The following MYO5C variants were observed in gnomAD, a reference collection of about 807,000 sequenced individuals.
MYO5C encodes myosin VC.
MYO5C carries 194 observed loss-of-function variants against 235.7 expected under a neutral mutation model. The ratio of observed to expected loss-of-function variants is 0.82; its 90% CI spans 0.73 to 0.93. MYO5C has a LOEUF of 0.93. Among genes scored for constraint, MYO5C ranks in the 40% least tolerant of loss-of-function variants. The pLI, the probability that MYO5C is intolerant of heterozygous loss-of-function variation, is 0.00. For missense variants in MYO5C, 2,038 were observed against 2,127.2 expected, an observed-to-expected ratio of 0.96 and a Z score of 0.82; for synonymous variants, 707 against 754.8, an observed-to-expected ratio of 0.94 and a Z score of 1.04.
intron 38 of MYO5C, 62 bp downstream of exon 38, chr15:52,204,803 C>T (rs2035265635): frequency 6.4e-7 from 1 of 1,566,128 alleles, no homozygotes; most frequent in Non-Finnish European, 8.6e-7. Context: ...CGTGGGGCCT[C>T]GGACTTCAAG....
At chr15:52,237,324 C>T (rs760609529) in intron 22 of MYO5C, 158 bp downstream of exon 22, 21 of 794,972 alleles carry the variant, frequency 2.6e-5, no homozygotes, top group Non-Finnish European at 3.8e-5. Context: ...CCTCTGATCT[C>T]GCCTTTCCTA....
chr15:52,248,668 A>AGGGG, intron 14 of MYO5C, 32 bp downstream of exon 14: 1 of 1,457,276 alleles, frequency 6.9e-7, no homozygotes, highest in Non-Finnish European at 9.6e-7. Context: ...CAATTATATA[A>AGGGG]TAACTTTAGT....
chr15:52,247,166 CTG>C, intron 15 of MYO5C, 152 bp from the exon 16 acceptor site: 1 of 691,956 alleles, frequency 1.4e-6, no homozygotes, highest in East Asian at 2.7e-5. Context: ...CAGTCCGTGA[CTG>C]TGGTTTATCA....
At chr15:52,241,648 C>T (rs551420174) in intron 20 of MYO5C, among the ~76,000 whole-genome samples, 2 of 152,240 alleles carry the variant, frequency 1.3e-5, no homozygotes, top group African/African-American at 2.4e-5. Context: ...GTTAGGTGCA[C>T]ATTATTGGCT....
chr15:52,295,691 C>T lies in MYO5C; in HGVS notation c.-55G>A. ...CTGCCGAACGTGCGAGGCTCGGGGGCTGGGCCTGCGCCGCAGAGGCCGGGC... is the reference window on the plus strand; with the variant it reads ...CTGCCGAACGTGCGAGGCTCGGGGGTTGGGCCTGCGCCGCAGAGGCCGGGC... On this transcript the variant is annotated 5_prime_UTR_variant, in exon 1 of 41. Coordinates refer to ENST00000261839, the MANE Select transcript of MYO5C (RefSeq NM_018728.4). The T allele has an allele frequency of 3.2e-6, 4 of 1,260,400 alleles. No homozygotes were observed. Among genetic ancestry groups the T allele is most frequent in the Middle Eastern group, 2.3e-4 (1 of 4,428 alleles). The allele number at this position is 1,260,400 out of a possible 1,614,324, so 78.1% of individuals were successfully genotyped here. A position where few individuals can be genotyped will look rare whatever the true frequency, so the allele number is the denominator to read the frequency against.
At chr15:52,242,261 A>G (rs755804792) in intron 19 of MYO5C, 48 bp from the exon 20 acceptor site, 12 of 1,557,076 alleles carry the variant, frequency 7.7e-6, no homozygotes, top group Admixed American at 3.8e-5. Context: ...CAGAGCATCA[A>G]CTTCCATAAC....
intron 2 of MYO5C, among the ~76,000 whole-genome samples, chr15:52,281,564 T>C (rs2037163271): frequency 6.6e-6 from 1 of 152,218 alleles, no homozygotes; most frequent in South Asian, 2.1e-4. Flanking sequence ...AGGAGCCTCT[T>C]CCCAGAGCTC....
At chr15:52,210,672 G>T (rs987382295) in intron 35 of MYO5C, among the ~76,000 whole-genome samples, 10 of 152,110 alleles carry the variant, frequency 6.6e-5, no homozygotes, top group African/African-American at 2.4e-4. Flanking sequence ...CATTACCAGA[G>T]AACTCTTTTT....
chr15:52,295,514 C>G (rs929812565), intron 1 of MYO5C, 96 bp downstream of exon 1: 49 of 1,370,476 alleles, frequency 3.6e-5, no homozygotes, highest in Non-Finnish European at 4.7e-5. Flanking sequence ...GTCAGGTGCG[C>G]AGGTGTGGCA....
At chr15:52,230,310 T>G (rs2035918496) in intron 24 of MYO5C, among the ~76,000 whole-genome samples, 1 of 152,212 alleles carries the variant, frequency 6.6e-6, no homozygotes, top group African/African-American at 2.4e-5. Flanking sequence ...GAGCTGTCAT[T>G]TCAGTTCCTT....
At position 52,247,510 on chromosome 15, in the gene MYO5C, T is replaced by G; in HGVS notation, c.1829A>C (p.Lys610Thr). 1 of 1,614,192 alleles carries G rather than the reference T, an allele frequency of 6.2e-7. No individual in the cohort carries two copies. Among genetic ancestry groups the G allele is most frequent in the Non-Finnish European group, 8.5e-7 (1 of 1,180,024 alleles). ...FGSMITVKSA[K>T]QVIKPNSKHF... is the part of the protein sequence containing the mutation. ...CTTGCTGTTTGGCTTGATGACTTGC[T>G]TTGCAGATTTAACTGTAATCATTGA... is the stretch of plus-strand genomic sequence containing the variant. The change falls in exon 15 of 41, where the codon AAG becomes ACG. Residue 610 changes from lysine (K) to threonine (T), a missense_variant. Lys to Thr is a moderately conservative substitution (Grantham distance 78, BLOSUM62 -1). Coordinates refer to ENST00000261839, the MANE Select transcript of MYO5C (RefSeq NM_018728.4).
At position 52,208,573 on chromosome 15, in the gene MYO5C, T is replaced by G; in HGVS notation, c.4367A>C (p.Lys1456Thr). 6.2e-7 allele frequency: 1 copy of G among 1,614,164 alleles called. No homozygotes were observed. Among genetic ancestry groups the G allele is most frequent in the Non-Finnish European group, 8.5e-7 (1 of 1,180,016 alleles). ...SNTCHFLNCL[K>T]QYSGEEEFMK... is the part of the protein sequence containing the mutation. ...CCCTACCTCTTCTCCGCTGTACTGC[T>G]TCAGGCAATTGAGAAAATGACAAGT... Residue 1456 changes from lysine to threonine, a missense_variant, in exon 36 of 41, where the codon AAG (lysine) becomes ACG (threonine). By Grantham distance (78) the Lys-to-Thr change is moderately conservative (BLOSUM62 -1). Coordinates refer to ENST00000261839, the MANE Select transcript of MYO5C (RefSeq NM_018728.4).
intron 13 of MYO5C, among the ~76,000 whole-genome samples, chr15:52,249,636 C>G (rs923464616): frequency 6.6e-6 from 1 of 152,114 alleles, no homozygotes; most frequent in Non-Finnish European, 1.5e-5. Flanking sequence ...GCAAACACTT[C>G]TTTGTGAATG....
intron 12 of MYO5C, 75 bp downstream of exon 12, chr15:52,253,242 C>CA (rs1031441778): frequency 4.9e-6 from 7 of 1,438,608 alleles, no homozygotes; most frequent in Non-Finnish European, 5.7e-6. Context: ...AAGCACACTT[C>CA]AAAAAAACTG....
rs1352769097 is a variant in MYO5C at position 52,240,348 on chromosome 15, C to T, written c.2557-469G>A. On this transcript the variant is annotated intron_variant, in intron 20 of 40. Coordinates refer to ENST00000261839, the MANE Select transcript of MYO5C (RefSeq NM_018728.4). ...CTTTGGGAGGCCCAGGAGGGAAGAT[C>T]GCTTGAGGCCAGGAGTTCAAGACCA... Among the ~76,000 whole-genome samples the T allele has an allele frequency of 2.6e-5, 4 of 151,892 alleles. No individual in the cohort carries two copies. The East Asian group carries it at 5.8e-4, about 22-fold the overall frequency.
intron 1 of MYO5C, among the ~76,000 whole-genome samples, chr15:52,291,731 G>GTTTTTTTTTTTGGTTTTTTTT (rs2037392525): frequency 1.9e-5 from 1 of 52,562 alleles, no homozygotes; most frequent in African/African-American, 8.3e-5. Context: ...CATATTTTAT[G>GTTTTTTTTTTTGGTTTTTTTT]TTTTTTTTTT....
At chr15:52,229,418 A>G in intron 24 of MYO5C, 105 bp from the exon 25 acceptor site, 1 of 1,026,470 alleles carries the variant, frequency 9.7e-7, no homozygotes, top group African/African-American at 1.6e-5. Context: ...TGAGCCCAGG[A>G]GTTCAAGACT....
At chr15:52,281,637 A>G (rs1300744710) in intron 2 of MYO5C, among the ~76,000 whole-genome samples, 1 of 152,212 alleles carries the variant, frequency 6.6e-6, no homozygotes, top group African/African-American at 2.4e-5. Flanking sequence ...GACGGTGCAC[A>G]GTCATTACCT....
chr15:52,260,734 G>T, intron 10 of MYO5C, 128 bp downstream of exon 10: 1 of 1,076,016 alleles, frequency 9.3e-7, no homozygotes, highest in South Asian at 1.6e-5. Context: ...CATCTATAGG[G>T]GCAAAAGCAG....
Sources: gnomAD v4.1 joint callset for allele counts (sites outside exome capture counted in the v4.1 genomes callset) on GRCh38, gnomAD v4.1.1 for gene constraint, MANE v1.5 for transcripts, NCBI Gene and HGNC (gene_info 2026-07-23, HGNC 2026-07-21) for gene names.